MCTP1: variants seen among roughly 807,000 people sequenced by gnomAD.
MCTP1 encodes multiple C2 and transmembrane domain containing 1, also known as multiple C2 and transmembrane domain-containing protein 1.
A neutral mutation model predicts 120.6 loss-of-function variants in MCTP1; 69 were observed. That is an observed-to-expected ratio of 0.57 (90% CI 0.47 to 0.70). MCTP1 has a LOEUF of 0.70. Ranked by LOEUF, MCTP1 falls within the 30% of genes least tolerant of loss-of-function variation. MCTP1 has a pLI of 0.00. For synonymous variants in MCTP1, 529 were observed against 493.1 expected, an observed-to-expected ratio of 1.07 and a Z score of -0.96; for missense variants, 1,203 against 1,248.8, an observed-to-expected ratio of 0.96 and a Z score of 0.55.
At chr5:94,843,032 T>C (rs2153206801) in intron 17 of MCTP1, among the ~76,000 whole-genome samples, 1 of 152,138 alleles carries the variant, frequency 6.6e-6, no homozygotes, top group East Asian at 1.9e-4. Flanking sequence ...CTTGGCTATA[T>C]TATGCTTTCC....
At position 95,284,636 on chromosome 5, in the gene MCTP1, C is replaced by G; in HGVS notation, c.-61G>C. 7.6e-7 allele frequency: 1 copy of G among 1,308,390 alleles called. No homozygotes were observed. The highest frequency in any genetic ancestry group is 1.7e-5 in the South Asian group (1 of 58,770). The allele number at this position is 1,308,390 out of a possible 1,614,324, so 81.0% of individuals were successfully genotyped here. On this transcript the variant is annotated 5_prime_UTR_variant, in exon 1 of 23. Transcript: ENST00000515393. This position sits in a 1 kb window ranked among gnomAD's most constrained non-coding sequence, Gnocchi z 5.2. ...CTCCTCCTCCTCCTGCTTCTCCTCC[C>G]TCTTCGGCTGCACCTCCTCCCGGGT...
intron 1 of MCTP1, among the ~76,000 whole-genome samples, chr5:95,026,760 T>C (rs1305900562): frequency 2.0e-5 from 3 of 152,334 alleles, no homozygotes; most frequent in African/African-American, 4.8e-5. Context: ...GGTTACATTA[T>C]TCCATAAATG....
At chr5:94,988,960 C>T (rs1830974565) in intron 2 of MCTP1, among the ~76,000 whole-genome samples, 3 of 152,094 alleles carry the variant, frequency 2.0e-5, no homozygotes. Context: ...GGGGAAACCA[C>T]CCCCATGATT....
chr5:95,131,156 GCTTTTCCAGAT>G (rs1023688803), intron 1 of MCTP1, among the ~76,000 whole-genome samples: 1 of 152,100 alleles, frequency 6.6e-6, no homozygotes, highest in African/African-American at 2.4e-5. Flanking sequence ...CAAATAGAGT[GCTTTTCCAGAT>G]CTCAATGTTG....
chr5:95,212,128 A>G (rs962477538), intron 1 of MCTP1, among the ~76,000 whole-genome samples: 7 of 152,124 alleles, frequency 4.6e-5, no homozygotes, highest in Non-Finnish European at 1.0e-4. Context: ...AGCAAGACTA[A>G]TAAAGAATAA....
chr5:95,169,529 AC>A (rs1473483792), intron 1 of MCTP1, among the ~76,000 whole-genome samples: 4 of 152,000 alleles, frequency 2.6e-5, no homozygotes, highest in African/African-American at 9.7e-5. Context: ...CTGGTCCTGG[AC>A]TTTTTTTGGT....
intron 1 of MCTP1, among the ~76,000 whole-genome samples, chr5:95,120,561 C>G (rs1758149358): frequency 6.6e-6 from 1 of 152,056 alleles, no homozygotes; most frequent in South Asian, 2.1e-4. Flanking sequence ...ATGCATCATA[C>G]CAACAGAATG....
chr5:95,276,536 C>T (rs1370614392), intron 1 of MCTP1, among the ~76,000 whole-genome samples: 1 of 149,560 alleles, frequency 6.7e-6, no homozygotes, highest in Non-Finnish European at 1.5e-5. Context: ...GGATTACAGG[C>T]GTGAGCCACT....
intron 19 of MCTP1, among the ~76,000 whole-genome samples, chr5:94,753,517 T>C (rs550357889): frequency 2.3e-4 from 35 of 152,338 alleles, no homozygotes; most frequent in African/African-American, 8.2e-4. Flanking sequence ...GAAATCATGT[T>C]ATTGCTAGGA....
At chr5:94,709,564 A>G (rs1756029883) in intron 21 of MCTP1, 1 of 152,062 alleles carries the variant, frequency 6.6e-6, no homozygotes. Flanking sequence ...GAGTTAATAA[A>G]CTGCCACGAC....
intron 19 of MCTP1, among the ~76,000 whole-genome samples, chr5:94,762,882 A>G (rs1771666842): frequency 6.6e-6 from 1 of 152,180 alleles, no homozygotes; most frequent in African/African-American, 2.4e-5. Flanking sequence ...CATGGGAATG[A>G]TATTTCATGT....
At chr5:95,092,189 G>A (rs1582229871) in intron 1 of MCTP1, among the ~76,000 whole-genome samples, 1 of 152,076 alleles carries the variant, frequency 6.6e-6, no homozygotes, top group South Asian at 2.1e-4. Flanking sequence ...GTTTTATTTT[G>A]TTTTGTTTAG....
intron 5 of MCTP1, among the ~76,000 whole-genome samples, chr5:94,937,737 C>T (rs559304593): frequency 6.6e-6 from 1 of 152,088 alleles, no homozygotes; most frequent in South Asian, 2.1e-4. Context: ...CTGATAGTAA[C>T]TTGCTCCCTC....
intron 1 of MCTP1, among the ~76,000 whole-genome samples, chr5:95,282,984 T>G (rs1484065509): frequency 6.6e-6 from 1 of 152,190 alleles, no homozygotes; most frequent in African/African-American, 2.4e-5. Flanking sequence ...GGGAGAAAAA[T>G]GTTCTTTAGG....
At chr5:94,730,517 A>G (rs1450899597) in intron 19 of MCTP1, among the ~76,000 whole-genome samples, 2 of 152,132 alleles carry the variant, frequency 1.3e-5, no homozygotes, top group African/African-American at 4.8e-5. Context: ...GCAGATGAAG[A>G]GTTGTGTTTG....
At chr5:95,112,006 T>C (rs1210558501) in intron 1 of MCTP1, among the ~76,000 whole-genome samples, 1 of 152,200 alleles carries the variant, frequency 6.6e-6, no homozygotes, top group East Asian at 1.9e-4. Context: ...TACTCCAGCA[T>C]ATAATGCAGT....
intron 2 of MCTP1, among the ~76,000 whole-genome samples, chr5:95,007,980 G>A (rs1469260633): frequency 6.6e-6 from 1 of 152,014 alleles, no homozygotes; most frequent in Non-Finnish European, 1.5e-5. Context: ...GGTTCATTTT[G>A]TTACCCAGTG....
Position 94,707,286 on chromosome 5 carries a change from G to A in MCTP1, c.*210C>T. The A allele has an allele frequency of 2.1e-6, 1 of 479,530 alleles. No homozygotes were observed. The allele number at this position is 479,530 out of a possible 1,614,324, so 29.7% of individuals were successfully genotyped here. A position where few individuals can be genotyped will look rare whatever the true frequency, so the allele number is the denominator to read the frequency against. On this transcript the variant is annotated 3_prime_UTR_variant, in exon 23 of 23. Coordinates refer to ENST00000515393, the MANE Select transcript of MCTP1 (RefSeq NM_024717.7). ...CCACAGCTAACAAGGTTTTGACACAGCAGTAGCAAAACCTTTATCAAGTTG... is the reference window on the plus strand; with the variant it reads ...CCACAGCTAACAAGGTTTTGACACAACAGTAGCAAAACCTTTATCAAGTTG...
intron 18 of MCTP1, among the ~76,000 whole-genome samples, chr5:94,782,625 G>A (rs990428016): frequency 6.6e-6 from 1 of 152,156 alleles, no homozygotes; most frequent in Non-Finnish European, 1.5e-5. Flanking sequence ...TATTTAGGAT[G>A]AGAGTGCTGG....
Sources: allele counts gnomAD v4.1 joint callset (sites outside exome capture counted in the v4.1 genomes callset), GRCh38; gene constraint gnomAD v4.1.1; non-coding constraint Gnocchi (gnomAD v3.1); transcripts MANE v1.5; gene names NCBI Gene and HGNC (gene_info 2026-07-23, HGNC 2026-07-21).